SEMA4B: variants seen among roughly 807,000 people sequenced by gnomAD.
SEMA4B encodes the protein semaphorin 4B, also known as semaphorin-4B.
In SEMA4B, 55 loss-of-function variants were observed where a neutral mutation model predicts 88.1. The ratio of observed to expected loss-of-function variants is 0.62; its 90% confidence interval spans 0.50 to 0.78. The LOEUF (loss-of-function observed/expected upper bound fraction) is 0.78, where lower values mean the gene tolerates loss of function less well. Ranked by LOEUF, SEMA4B falls within the 30% of genes least tolerant of loss-of-function variation. SEMA4B has a pLI of 0.00. For synonymous variants in SEMA4B, 525 were observed against 473.6 expected, an observed-to-expected ratio of 1.11 and a Z score of -1.41; for missense variants, 1,062 against 1,111.9, an observed-to-expected ratio of 0.96 and a Z score of 0.64.
intron 4 of SEMA4B, among the ~76,000 whole-genome samples, chr15:90,220,429 A>G (rs1348505469): frequency 1.5e-5 from 2 of 132,592 alleles, no homozygotes; most frequent in African/African-American, 5.9e-5. Flanking sequence ...GTGCAGTGGC[A>G]CGATCTCGGC....
At chr15:90,211,624 C>T (rs1533325) in intron 1 of SEMA4B, among the ~76,000 whole-genome samples, 57,287 of 152,070 alleles carry the variant, frequency 0.38, 11,149 homozygotes, top group African/African-American at 0.46. Context: ...ACTGTGGCCC[C>T]GTCAGCACTC....
At chr15:90,209,401 A>G (rs1961149302) in intron 1 of SEMA4B, among the ~76,000 whole-genome samples, 1 of 151,684 alleles carries the variant, frequency 6.6e-6, no homozygotes, top group African/African-American at 2.4e-5. Context: ...AAAAATATAT[A>G]TATATATACA....
intron 1 of SEMA4B, among the ~76,000 whole-genome samples, chr15:90,213,210 G>A (rs923271331): frequency 6.6e-6 from 1 of 152,146 alleles, no homozygotes; most frequent in Non-Finnish European, 1.5e-5. Context: ...TAAGGAAAAC[G>A]GGGCTTTGAG....
chr15:90,203,761 A>G (rs9652500), intron 1 of SEMA4B, among the ~76,000 whole-genome samples: 27,892 of 152,136 alleles, frequency 0.18, 3,361 homozygotes, highest in East Asian at 0.58. Flanking sequence ...AATGCAGTCC[A>G]CACTCAGCTC....
At chr15:90,215,586 C>T (rs1201883159) in intron 1 of SEMA4B, among the ~76,000 whole-genome samples, 2 of 151,918 alleles carry the variant, frequency 1.3e-5, no homozygotes, top group African/African-American at 2.4e-5. Flanking sequence ...CTGAGGCAGG[C>T]GGATTGCTTG....
upstream of SEMA4B, among the ~76,000 whole-genome samples, chr15:90,197,930 ATT>A (rs564036454): frequency 2.8e-5 from 4 of 143,042 alleles, no homozygotes; most frequent in African/African-American, 5.2e-5. Context: ...TAATTAATTA[ATT>A]TTTTTTTTTT....
rs1228482748 is a variant in SEMA4B, at chr15:90,223,853, A to G, written c.1059A>G (p.Thr353=). The G allele has an allele frequency of 4.3e-6, 7 of 1,613,926 alleles. No homozygotes were observed. The highest frequency in any genetic ancestry group is 1.6e-4 in the Middle Eastern group (1 of 6,062). The change falls in exon 9 of 14, where the codon ACA becomes ACG. Residue 353 remains threonine (T), a synonymous_variant. Transcript: ENST00000411539. ...VFTSQWHRGT[T]EGSAVCVFTM... The stretch of plus-strand genomic sequence containing the variant: ...TCCTCTGCAGGCACAGGGGAACTAC[A>G]GAAGGCTCTGCCGTCTGTGTCTTCA...
At position 90,228,297 on chromosome 15, in the gene SEMA4B, C is replaced by T. The variant is rs770992305; in HGVS notation, c.2168C>T (p.Thr723Met). 96 of 1,591,580 alleles carry T rather than the reference C, an allele frequency of 6.0e-5. No homozygotes were observed. Among genetic ancestry groups the T allele is most frequent in the East Asian group, 6.7e-5 (3 of 44,686 alleles). The change falls in exon 14 of 14, where the codon ACG becomes ATG. Residue 723 changes from threonine to methionine, a missense_variant. Coordinates refer to ENST00000411539, the MANE Select transcript of SEMA4B (RefSeq NM_198925.4). ...SYWKEFLVMC[T>M]LFVLAVLLPV... ...TGGAAGGAGTTCCTGGTGATGTGCA[C>T]GCTCTTTGTGCTGGCCGTGCTGCTC...
At chr15:90,202,868 ATAG>A (rs1476551030) in intron 1 of SEMA4B, among the ~76,000 whole-genome samples, 18 of 152,218 alleles carry the variant, frequency 1.2e-4, no homozygotes, top group African/African-American at 4.1e-4. Context: ...ACAAAGGGAA[ATAG>A]TAGAATCAGC....
Position 90,229,488 on chromosome 15 carries a change from C to T in SEMA4B, c.*845C>T. The T allele has an allele frequency of 6.9e-6, 3 of 433,886 alleles. No individual in the cohort carries two copies. The highest frequency in any genetic ancestry group is 2.4e-5 in the Admixed American group (1 of 41,430). The allele number at this position is 433,886 out of a possible 1,614,324, so 26.9% of individuals were successfully genotyped here. On this transcript the variant is annotated 3_prime_UTR_variant, in exon 14 of 14. Transcript: ENST00000411539. ...ACTCAAACACGAGGAACTAACTGCACCCTGGTCCTCTCCCCAGTCCCCAGT... is the reference window on the plus strand; with the variant it reads ...ACTCAAACACGAGGAACTAACTGCATCCTGGTCCTCTCCCCAGTCCCCAGT...
At chr15:90,184,966 C>G (rs1428056276) in exon 1 of SEMA4B, 1 of 985,790 alleles carries the variant, frequency 1.0e-6, no homozygotes, top group African/African-American at 1.7e-5. Flanking sequence ...CCCGAGACTC[C>G]GGGTCCCCAG....
At chr15:90,221,116 C>G (rs3825999) in intron 5 of SEMA4B, 23 bp downstream of exon 5, 768,205 of 1,538,422 alleles carry the variant, frequency 0.5, 196,047 homozygotes, top group East Asian at 0.82. Context: ...GGCAGGATGG[C>G]TTCATTGAGG....
intron 1 of SEMA4B, chr15:90,206,618 G>C: frequency 1.6e-6 from 1 of 617,774 alleles, no homozygotes; most frequent in Non-Finnish European, 3.0e-6. Flanking sequence ...CATTAATGCT[G>C]CTTTACAAGA....
At chr15:90,205,115 G>A (rs985239144) in intron 1 of SEMA4B, among the ~76,000 whole-genome samples, 15 of 152,186 alleles carry the variant, frequency 9.9e-5, no homozygotes, top group Non-Finnish European at 1.5e-4. Flanking sequence ...CAGAAGTGCC[G>A]GGCGGGAAAG....
At chr15:90,220,933 T>C in intron 4 of SEMA4B, 49 bp from the exon 5 acceptor site, 1 of 1,241,338 alleles carries the variant, frequency 8.1e-7, no homozygotes, top group Admixed American at 1.9e-5. Context: ...CCAAGCCTGC[T>C]CCTCATTCCC....
At chr15:90,202,084 G>A (rs917612892) in intron 1 of SEMA4B, among the ~76,000 whole-genome samples, 1 of 152,248 alleles carries the variant, frequency 6.6e-6, no homozygotes, top group Non-Finnish European at 1.5e-5. Context: ...GCCCCCGAGG[G>A]CGGCTCGGGG....
chr15:90,191,803 C>T (rs915923849), intron 1 of SEMA4B: 8 of 152,290 alleles, frequency 5.3e-5, no homozygotes, highest in South Asian at 2.1e-4. Flanking sequence ...AGTGCTGACC[C>T]GGGGTGGATG....
chr15:90,212,157 C>T lies in SEMA4B; in HGVS notation c.158-5282C>T, dbSNP rs1419126430. Among the ~76,000 whole-genome samples, 5 of 63,206 alleles carry T rather than the reference C, an allele frequency of 7.9e-5. No homozygotes were observed. Among genetic ancestry groups the T allele is most frequent in the African/African-American group, 1.7e-4 (2 of 11,982 alleles). The allele number at this position is 63,206 out of a possible 152,430, so 41.5% of individuals were successfully genotyped here. ...CCTACTCAGAACCCCACTTCCTACTCAGAACCCCACTTCCTGGGGTGGGGA... is the reference window on the plus strand; with the variant it reads ...CCTACTCAGAACCCCACTTCCTACTTAGAACCCCACTTCCTGGGGTGGGGA... On this transcript the variant is annotated intron_variant, in intron 1 of 13. Coordinates refer to ENST00000411539, the MANE Select transcript of SEMA4B (RefSeq NM_198925.4). The surrounding 1 kb of genome is among the most constrained non-coding windows in gnomAD (Gnocchi z 4.0).
At chr15:90,210,010 A>G (rs1467330274) in intron 1 of SEMA4B, among the ~76,000 whole-genome samples, 1 of 152,134 alleles carries the variant, frequency 6.6e-6, no homozygotes, top group East Asian at 1.9e-4. Flanking sequence ...TGGCCTGGAG[A>G]TGGGAGGCTG....
Sources: gnomAD v4.1 joint callset for allele counts (sites outside exome capture counted in the v4.1 genomes callset) on GRCh38, gnomAD v4.1.1 for gene constraint, Gnocchi (gnomAD v3.1) non-coding constraint, MANE v1.5 for transcripts, NCBI Gene and HGNC (gene_info 2026-07-23, HGNC 2026-07-21) for gene names.